The following SPAG17 variants were observed in gnomAD, a reference collection of about 807,000 sequenced individuals.
SPAG17 encodes the protein sperm associated antigen 17.
Under a neutral mutation model 273.6 loss-of-function variants are expected in SPAG17, and 169 were observed. That is an observed-to-expected ratio of 0.62 (90% CI 0.55 to 0.70). The LOEUF (loss-of-function observed/expected upper bound fraction) is 0.70, where lower values mean the gene tolerates loss of function less well. Ranked by LOEUF, SPAG17 falls within the 30% of genes least tolerant of loss-of-function variation. SPAG17 has a pLI of 0.00. For missense variants in SPAG17, 2,557 were observed against 2,627.8 expected (o/e 0.97, Z 0.59); for synonymous variants, 825 against 873.2 (o/e 0.94, Z 0.97).
intron 32 of SPAG17, among the ~76,000 whole-genome samples, chr1:118,004,771 G>A (rs1658693007): frequency 6.6e-6 from 1 of 152,228 alleles, no homozygotes; most frequent in African/African-American, 2.4e-5. Context: ...GCACTTCCCA[G>A]GTGAGGCGGA....
At chr1:118,091,817 T>C in intron 9 of SPAG17, 99 bp from the exon 10 acceptor site, 1 of 1,339,292 alleles carries the variant, frequency 7.5e-7, no homozygotes, top group Admixed American at 1.7e-5. Flanking sequence ...TATGCACTAA[T>C]AAATGCAGGA....
Position 117,994,496 on chromosome 1 carries a change from A to G in SPAG17, c.5088T>C (p.His1696=), listed in dbSNP as rs764389269. 1.9e-6 allele frequency: 3 copies of G among 1,612,810 alleles called. No individual in the cohort carries two copies. Among genetic ancestry groups the G allele is most frequent in the Non-Finnish European group, 2.5e-6 (3 of 1,179,170 alleles). ...TTTTTACTTGCCATGGTGATGCTTC[A>G]TGGAAAGGGCGAAGGACTGTGATGG... ...TLTITVLRPF[H]EASPWQVKKE... Residue 1696 remains histidine (H), a synonymous_variant, in exon 35 of 49, where the codon CAT becomes CAC. Transcript: ENST00000336338.
intron 3 of SPAG17, among the ~76,000 whole-genome samples, chr1:118,127,762 C>A (rs1174219388): frequency 6.6e-6 from 1 of 152,042 alleles, no homozygotes; most frequent in East Asian, 1.9e-4. Context: ...TTTTGTGTGT[C>A]TTCTACAGTT....
intron 3 of SPAG17, among the ~76,000 whole-genome samples, chr1:118,120,178 A>G (rs1657340678): frequency 6.6e-6 from 1 of 152,278 alleles, no homozygotes; most frequent in East Asian, 1.9e-4. Context: ...TATTAGTGCT[A>G]ATAGTTTTTC....
chr1:117,955,271 AC>A (rs769358311), intron 48 of SPAG17: 119 of 1,553,594 alleles, frequency 7.7e-5, no homozygotes, highest in Non-Finnish European at 9.1e-5. Flanking sequence ...TTTAGTAGAA[AC>A]CAACCAAGAG....
At chr1:118,145,350 G>A (rs1658916135) in intron 3 of SPAG17, among the ~76,000 whole-genome samples, 1 of 152,154 alleles carries the variant, frequency 6.6e-6, no homozygotes. Flanking sequence ...TTAAGCCTGT[G>A]TTCTCACTTG....
intron 32 of SPAG17, among the ~76,000 whole-genome samples, chr1:118,001,883 C>T (rs551989246): frequency 7.2e-5 from 11 of 152,188 alleles, no homozygotes; most frequent in Non-Finnish European, 1.5e-4. Flanking sequence ...TTTGTTTTCT[C>T]TTGTTTTTCT....
At chr1:118,137,347 A>G (rs1658423024) in intron 3 of SPAG17, among the ~76,000 whole-genome samples, 1 of 152,238 alleles carries the variant, frequency 6.6e-6, no homozygotes, top group Non-Finnish European at 1.5e-5. Flanking sequence ...GTCTTTCCAT[A>G]TGAATTTCTG....
chr1:118,011,328 C>T (rs1281326194), intron 30 of SPAG17, among the ~76,000 whole-genome samples: 1 of 152,138 alleles, frequency 6.6e-6, no homozygotes, highest in Non-Finnish European at 1.5e-5. Flanking sequence ...ACCTAAATGC[C>T]CATCAGTGGT....
In SPAG17 at chr1:118,109,235, A is replaced by G. The variant is rs183454782; in HGVS notation, c.447+6075T>C. 4.7e-3 allele frequency among the ~76,000 whole-genome samples: 701 copies of G among 150,456 alleles called. 7 individuals carry two copies. Among genetic ancestry groups the G allele is most frequent in the African/African-American group, 0.016 (674 of 41,022 alleles). ...CAGCTCACTGCAACCTCCGCCTGCC[A>G]GATTCAAGCGATTCTCCTGCCTAAT... On this transcript the variant is annotated intron_variant, in intron 4 of 48. Coordinates refer to ENST00000336338, the MANE Select transcript of SPAG17 (RefSeq NM_206996.4).
intron 48 of SPAG17, among the ~76,000 whole-genome samples, chr1:117,955,803 A>G (rs2101263480): frequency 1.3e-5 from 2 of 150,562 alleles, no homozygotes; most frequent in Middle Eastern, 3.5e-3. Flanking sequence ...ATTCCATTGT[A>G]TGAATAATTA....
intron 43 of SPAG17, among the ~76,000 whole-genome samples, chr1:117,973,945 T>G (rs79143077): frequency 0.052 from 7,858 of 152,218 alleles, 436 homozygotes; most frequent in South Asian, 0.13. Context: ...TCATTAATCT[T>G]CTTAGAATAA....
Position 118,099,739 on chromosome 1 carries a change from C to T in SPAG17, c.696G>A (p.Gln232=). 1 of 1,613,638 alleles carries T rather than the reference C, an allele frequency of 6.2e-7. No individual in the cohort carries two copies. Among genetic ancestry groups the T allele is most frequent in the Non-Finnish European group, 8.5e-7 (1 of 1,179,942 alleles). The change falls in exon 6 of 49, where the codon CAG becomes CAA. Residue 232 remains glutamine, a synonymous_variant. Transcript: ENST00000336338. ...YIIVVGFNNP[Q]LLAIMAELGI... is the part of the protein sequence containing the mutation. ...CAAGCTCAGCCATAATTGCTAATAG[C>T]TGAGGATTGTTAAAGCCCACAACTA...
chr1:118,155,248 G>C (rs891153693), intron 1 of SPAG17, among the ~76,000 whole-genome samples: 2 of 152,176 alleles, frequency 1.3e-5, no homozygotes, highest in African/African-American at 4.8e-5. Context: ...TCCTAAGGCA[G>C]GAAAGTATTC....
intron 28 of SPAG17, among the ~76,000 whole-genome samples, chr1:118,022,413 G>A (rs1378463355): frequency 7.6e-6 from 1 of 132,354 alleles, no homozygotes; most frequent in Non-Finnish European, 1.6e-5. Flanking sequence ...ACATGAATAG[G>A]AAATTCACAA....
At chr1:118,163,952 TG>T (rs544262139) in intron 1 of SPAG17, among the ~76,000 whole-genome samples, 2 of 152,194 alleles carry the variant, frequency 1.3e-5, no homozygotes, top group African/African-American at 2.4e-5. Flanking sequence ...GTTTGTATGT[TG>T]GGGACTTGAA....
chr1:118,093,771 T>G (rs990992973), intron 7 of SPAG17, among the ~76,000 whole-genome samples: 4 of 151,752 alleles, frequency 2.6e-5, no homozygotes, highest in African/African-American at 9.7e-5. Context: ...TCTACCCAAG[T>G]ACGTTGCATC....
At chr1:118,156,062 T>A (rs1238637007) in intron 1 of SPAG17, among the ~76,000 whole-genome samples, 1 of 152,248 alleles carries the variant, frequency 6.6e-6, no homozygotes, top group Non-Finnish European at 1.5e-5. Context: ...TATGCACTAA[T>A]CTTTTTATTG....
At chr1:118,074,902 C>G (rs910430045) in intron 15 of SPAG17, among the ~76,000 whole-genome samples, 3 of 152,200 alleles carry the variant, frequency 2.0e-5, no homozygotes, top group African/African-American at 7.2e-5. Flanking sequence ...ATACCTTTAT[C>G]TTTAAAAGTT....
Sources: gnomAD v4.1 joint callset for allele counts (sites outside exome capture counted in the v4.1 genomes callset) on GRCh38, gnomAD v4.1.1 for gene constraint, MANE v1.5 for transcripts, NCBI Gene and HGNC (gene_info 2026-07-23, HGNC 2026-07-21) for gene names.